The following CXXC1 variants were observed in gnomAD, a reference collection of about 807,000 sequenced individuals.
The protein encoded by CXXC1 is CXXC finger protein 1.
In CXXC1, 21 loss-of-function variants were observed where a neutral mutation model predicts 83.6. The observed-to-expected ratio is 0.25, with a 90% confidence interval of 0.18 to 0.36. The LOEUF (loss-of-function observed/expected upper bound fraction) is 0.36, where lower values mean the gene tolerates loss of function less well. CXXC1 is among the 10% of genes least tolerant of loss of function. The pLI, the probability that CXXC1 is intolerant of heterozygous loss-of-function variation, is 1.00. For synonymous variants in CXXC1, 371 were observed against 337.5 expected, an observed-to-expected ratio of 1.10 and a Z score of -1.09; for missense variants, 688 against 919.5, an observed-to-expected ratio of 0.75 and a Z score of 3.26.
In CXXC1 at chr18:50,282,878, T is replaced by C; in HGVS notation, c.1800A>G (p.Glu600=). 6.2e-7 allele frequency: 1 copy of C among 1,614,178 alleles called. No homozygotes were observed. Among genetic ancestry groups the C allele is most frequent in the East Asian group, 2.2e-5 (1 of 44,876 alleles). The change falls in exon 14 of 15, where the codon GAA becomes GAG. Residue 600 remains glutamate, a synonymous_variant. Transcript: ENST00000285106. The surrounding 1 kb of genome is among the most constrained non-coding windows in gnomAD (Gnocchi z 5.8). ...HYCWEKLRRA[E]VDLERVRVWY... ...CCACACGCACGCGCTCCAAGTCCAC[T>C]TCCGCACGCCGCAGCTTCTCCCAGC...
chr18:50,285,287 C>T lies in CXXC1; in HGVS notation c.666+38G>A. The T allele has an allele frequency of 6.2e-7, 1 of 1,610,926 alleles. No individual in the cohort carries two copies. The highest frequency in any genetic ancestry group is 1.7e-4 in the Middle Eastern group (1 of 6,032). On this transcript the variant is annotated intron_variant, in intron 6 of 14. Transcript: ENST00000285106. The surrounding 1 kb of genome is among the most constrained non-coding windows in gnomAD (Gnocchi z 4.4). ...CTCAGGACTGGCCCTGACCGCCCTG[C>T]CCGCATGCCCCACCCCACCCTGGGG...
rs1333134354 is a variant in CXXC1 at position 50,283,722 on chromosome 18, C to T, written c.1507G>A (p.Glu503Lys). 3 of 1,614,176 alleles carry T rather than the reference C, an allele frequency of 1.9e-6. No homozygotes were observed. The highest frequency in any genetic ancestry group is 2.5e-6 in the Non-Finnish European group (3 of 1,180,022). The change falls in exon 11 of 15, where the codon GAG (glutamate) becomes AAG (lysine). Residue 503 changes from glutamate (E) to lysine (K), a missense_variant. Glu to Lys is a moderately conservative substitution (Grantham distance 56). Coordinates refer to ENST00000285106, the MANE Select transcript of CXXC1 (RefSeq NM_014593.4). ...ACCCCAACCTTGGCGTAGCAGCGCTCCATGTGGCGCAAGGCAACACGTGGG... is the reference window on the plus strand; with the variant it reads ...ACCCCAACCTTGGCGTAGCAGCGCTTCATGTGGCGCAAGGCAACACGTGGG... Reference protein sequence around the residue: ...INPRVALRHMERCYAKYESQT... With the variant: ...INPRVALRHMKRCYAKYESQT...
At position 50,285,904 on chromosome 18, in the gene CXXC1, TCTGCTG is replaced by T. The variant is rs527645784; in HGVS notation, c.478_483del (p.Gln160_Gln161del). On this transcript the variant is annotated inframe_deletion, in exon 5 of 15. Coordinates refer to ENST00000285106, the MANE Select transcript of CXXC1 (RefSeq NM_014593.4). The surrounding 1 kb of genome is among the most constrained non-coding windows in gnomAD (Gnocchi z 4.4). ...CCACACATGCGGGCTGACCGTTTGA[TCTGCTG>T]CTGCTGCTGCTGGTGATGCTGCAGG... is the stretch of plus-strand genomic sequence containing the variant. The T allele has an allele frequency of 6.2e-6, 10 of 1,613,096 alleles. No homozygotes were observed. The African/African-American group carries it at 1.1e-4, about 17-fold the overall frequency.
chr18:50,285,657 C>T lies in CXXC1; in HGVS notation c.639+92G>A, dbSNP rs2040701529. ...GTCAGGATACAGTCAGGCCCAATCCCACCTGGTTTATCCATGCCTAGACTT... is the reference window on the plus strand; with the variant it reads ...GTCAGGATACAGTCAGGCCCAATCCTACCTGGTTTATCCATGCCTAGACTT... On this transcript the variant is annotated intron_variant, in intron 5 of 14. Transcript: ENST00000285106. This position sits in a 1 kb window ranked among gnomAD's most constrained non-coding sequence, Gnocchi z 4.4. The T allele has an allele frequency of 1.3e-6, 2 of 1,481,758 alleles. No homozygotes were observed. Among genetic ancestry groups the T allele is most frequent in the African/African-American group, 2.8e-5 (2 of 72,670 alleles). 91.8% of individuals were successfully genotyped at this position (1,481,758 alleles called of 1,614,324 possible).
chr18:50,283,246 A>G lies in CXXC1; in HGVS notation c.1671+19T>C. The stretch of plus-strand genomic sequence containing the variant: ...CAGGGAGGAGGGGCAAAATGGGAGG[A>G]GCTGAGGGAAAACCTTACTTTGGGG... On this transcript the variant is annotated intron_variant, in intron 13 of 14. Coordinates refer to ENST00000285106, the MANE Select transcript of CXXC1 (RefSeq NM_014593.4). The G allele has an allele frequency of 3.1e-6, 5 of 1,602,002 alleles. No individual in the cohort carries two copies. Among genetic ancestry groups the G allele is most frequent in the Non-Finnish European group, 4.3e-6 (5 of 1,169,532 alleles).
intron 13 of CXXC1, 86 bp downstream of exon 13, chr18:50,283,179 A>G (rs1206621220): frequency 7.5e-7 from 1 of 1,333,898 alleles, no homozygotes; most frequent in Admixed American, 1.7e-5. Flanking sequence ...AGTGAAGGAA[A>G]AGTGAGGTGA....
rs749380190 is a variant in CXXC1, at chr18:50,284,003, C to T, written c.1304G>A (p.Arg435Gln). The change falls in exon 10 of 15, where the codon CGA becomes CAA. Residue 435 changes from arginine to glutamine, a missense_variant. By Grantham distance (43) the Arg-to-Gln change is conservative (BLOSUM62 1). Around this residue, in one of 9 missense-constraint regions of CXXC1, gnomAD observed 100 missense variants for 142.5 expected, o/e 0.70. Coordinates refer to ENST00000285106, the MANE Select transcript of CXXC1 (RefSeq NM_014593.4). ...HGKKLLERIR[R>Q]EQQSARTRLQ... Reference sequence around the variant, plus strand: ...GCGAGTGCGGGCACTCTGCTGCTCTCGGCGAATGCGTTCGAGCAGCTTCTT... The same window carrying T: ...GCGAGTGCGGGCACTCTGCTGCTCTTGGCGAATGCGTTCGAGCAGCTTCTT... The T allele has an allele frequency of 6.2e-7, 1 of 1,613,156 alleles. No individual in the cohort carries two copies. Among genetic ancestry groups the T allele is most frequent in the Non-Finnish European group, 8.5e-7 (1 of 1,179,906 alleles).
Position 50,284,819 on chromosome 18 carries a change from T to C in CXXC1, c.933A>G (p.Glu311=). ...DHGLPWMSDT[E]ESPFLDPALR... ...GCGCGGGGTCCAGGAATGGGGACTC[T>C]TCTGTGTCGCTCATCCAGGGCTGCA... Residue 311 remains glutamate (E), a synonymous_variant, in exon 8 of 15, where the codon GAA becomes GAG. Transcript: ENST00000285106. The C allele has an allele frequency of 6.2e-7, 1 of 1,614,188 alleles. No individual in the cohort carries two copies. The highest frequency in any genetic ancestry group is 8.5e-7 in the Non-Finnish European group (1 of 1,180,028).
rs920282341 is a variant in CXXC1, at chr18:50,286,226, C to T, written c.255G>A (p.Arg85=). 2 of 1,611,118 alleles carry T rather than the reference C, an allele frequency of 1.2e-6. No individual in the cohort carries two copies. The highest frequency in any genetic ancestry group is 8.5e-7 in the Non-Finnish European group (1 of 1,179,354). Residue 85 remains arginine, a synonymous_variant, in exon 4 of 15, where the codon CGG becomes CGA. Transcript: ENST00000285106. ...EKDPKLEIRY[R]HKKSRERDGN... ...CATCCCGCTCCCGTGACTTCTTGTG[C>T]CGATAGCGAATCTCTAGCTTGGGGT...
intron 10 of CXXC1, 26 bp from the exon 11 acceptor site, chr18:50,283,841 G>A (rs1413745654): frequency 4.3e-6 from 7 of 1,613,862 alleles, no homozygotes; most frequent in South Asian, 1.1e-5. Context: ...GGAACAATAA[G>A]GCTGGGAAGG....
rs1263921106 is a variant in CXXC1 at position 50,282,358 on chromosome 18, A to C, written c.*235T>G. On this transcript the variant is annotated 3_prime_UTR_variant, in exon 15 of 15. Transcript: ENST00000285106. The surrounding 1 kb of genome is among the most constrained non-coding windows in gnomAD (Gnocchi z 5.8). Reference sequence around the variant, plus strand: ...TGGAGACAGCTTCCTTGGTTTCTTCAAAATTTTATTAACAAAACCCAGGGA... The same window carrying C: ...TGGAGACAGCTTCCTTGGTTTCTTCCAAATTTTATTAACAAAACCCAGGGA... 1 of 574,294 alleles carries C rather than the reference A, an allele frequency of 1.7e-6. No individual in the cohort carries two copies. Among genetic ancestry groups the C allele is most frequent in the Non-Finnish European group, 3.1e-6 (1 of 323,306 alleles). The allele number at this position is 574,294 out of a possible 1,614,324, so 35.6% of individuals were successfully genotyped here.
intron 2 of CXXC1, 36 bp from the exon 3 acceptor site, chr18:50,286,675 G>C: frequency 6.2e-7 from 1 of 1,610,598 alleles, no homozygotes; most frequent in Non-Finnish European, 8.5e-7. Flanking sequence ...AGATGTGAGG[G>C]GCGCGGCCCA....
At chr18:50,283,607 T>G (rs2040657794) in intron 11 of CXXC1, 43 bp from the exon 12 acceptor site, 1 of 1,611,566 alleles carries the variant, frequency 6.2e-7, no homozygotes, top group Admixed American at 1.7e-5. Context: ...GGATGTGCGC[T>G]GCATGCCCTC....
At chr18:50,283,603 G>A in intron 11 of CXXC1, 39 bp from the exon 12 acceptor site, 1 of 1,612,140 alleles carries the variant, frequency 6.2e-7, no homozygotes, top group South Asian at 1.1e-5. Flanking sequence ...CTGTGGATGT[G>A]CGCTGCATGC....
intron 1 of CXXC1, chr18:50,287,062 T>C: frequency 1.7e-6 from 1 of 582,418 alleles, no homozygotes; most frequent in South Asian, 2.0e-5. Context: ...ATACTTCCCA[T>C]CACGCACCCA....
Position 50,287,605 on chromosome 18 carries a change from G to T in CXXC1, c.-16C>A. Reference sequence around the variant, plus strand: ...TACTTACCATATCTCCGCTCCCGGCGCACTCCCTCACGACCCCCGCCAGCG... The same window carrying T: ...TACTTACCATATCTCCGCTCCCGGCTCACTCCCTCACGACCCCCGCCAGCG... On this transcript the variant is annotated 5_prime_UTR_variant, in exon 1 of 15. Transcript: ENST00000285106. The T allele has an allele frequency of 6.2e-7, 1 of 1,610,720 alleles. No homozygotes were observed.
intron 9 of CXXC1, 43 bp from the exon 10 acceptor site, chr18:50,284,144 G>A (rs778235534): frequency 1.3e-6 from 2 of 1,575,106 alleles, no homozygotes; most frequent in Non-Finnish European, 1.7e-6. Context: ...GAGGTGATCA[G>A]TAAGTGAGAA....
In CXXC1 at chr18:50,283,742, C is replaced by T; in HGVS notation, c.1487G>A (p.Arg496His). ...GCGCTCCATGTGGCGCAAGGCAACA[C>T]GTGGGTTGATGGGGTGCCCACAGGA... The part of the protein sequence containing the change: ...CVSCGHPINP[R>H]VALRHMERCY... The change falls in exon 11 of 15, where the codon CGT becomes CAT. Residue 496 changes from arginine to histidine, a missense_variant. Physicochemically the swap from Arg to His is conservative, Grantham distance 29. Transcript: ENST00000285106. 1 of 1,614,230 alleles carries T rather than the reference C, an allele frequency of 6.2e-7. No individual in the cohort carries two copies. Among genetic ancestry groups the T allele is most frequent in the Non-Finnish European group, 8.5e-7 (1 of 1,180,036 alleles).
rs934455956 is a variant in CXXC1, at chr18:50,285,169, G to T, written c.745C>A (p.Gln249Lys). Reference sequence around the variant, plus strand: ...TCTTCACGGATGCGCCCTAACTTCTGTGATGGCTGTGGCTGCTGTTGGGTG... The same window carrying T: ...TCTTCACGGATGCGCCCTAACTTCTTTGATGGCTGTGGCTGCTGTTGGGTG... ...LPTQQQPQPS[Q>K]KLGRIREDEG... Residue 249 changes from glutamine (Q) to lysine (K), a missense_variant, in exon 7 of 15, where the codon CAG becomes AAG. Around this residue, in one of 9 missense-constraint regions of CXXC1, gnomAD observed 190 missense variants for 199.7 expected, o/e 0.95. Coordinates refer to ENST00000285106, the MANE Select transcript of CXXC1 (RefSeq NM_014593.4). The surrounding 1 kb of genome is among the most constrained non-coding windows in gnomAD (Gnocchi z 4.4). 1.2e-6 allele frequency: 2 copies of T among 1,614,244 alleles called. No individual in the cohort carries two copies. The highest frequency in any genetic ancestry group is 1.1e-5 in the South Asian group (1 of 91,086).
Sources: gnomAD v4.1 joint callset for allele counts on GRCh38, gnomAD v4.1.1 for gene constraint, gnomAD v4.1.1 regional missense constraint, Gnocchi (gnomAD v3.1) non-coding constraint, MANE v1.5 for transcripts, NCBI Gene and HGNC (gene_info 2026-07-23, HGNC 2026-07-21) for gene names.